Variants in IQCH observed in about 807,000 individuals in gnomAD.
IQCH encodes the protein IQ motif containing H, also known as IQ domain-containing protein H.
IQCH carries 98 observed loss-of-function variants against 117.0 expected under a neutral mutation model. The ratio of observed to expected loss-of-function variants is 0.84; its 90% confidence interval spans 0.71 to 0.99. The LOEUF (loss-of-function observed/expected upper bound fraction) is 0.99, where lower values mean the gene tolerates loss of function less well. IQCH is among the 50% of genes least tolerant of loss of function. The pLI is 0.00. For synonymous variants in IQCH, 412 were observed against 448.2 expected (o/e 0.92, Z 1.02); for missense variants, 1,102 against 1,243.8 (o/e 0.89, Z 1.72).
chr15:67,356,131 C>T lies in IQCH; in HGVS notation c.638-1214C>T, dbSNP rs1196891913. On this transcript the variant is annotated intron_variant, in intron 6 of 20. Coordinates refer to ENST00000335894, the MANE Select transcript of IQCH (RefSeq NM_001031715.3). This position sits in a 1 kb window ranked among gnomAD's most constrained non-coding sequence, Gnocchi z 5.3. ...ATCTGTGGATTCAAAGCAGGCTGAA[C>T]ACAGAATGTGGACTTACCTTCAGAA... Among the ~76,000 whole-genome samples, 1 of 152,142 alleles carries T rather than the reference C, an allele frequency of 6.6e-6. No homozygotes were observed. Among genetic ancestry groups the T allele is most frequent in the Non-Finnish European group, 1.5e-5 (1 of 68,024 alleles).
chr15:67,294,652 G>A (rs941640855), intron 4 of IQCH, among the ~76,000 whole-genome samples: 1 of 152,194 alleles, frequency 6.6e-6, no homozygotes, highest in African/African-American at 2.4e-5. Context: ...ATGGACAAAA[G>A]GCAACACCCT....
intron 3 of IQCH, among the ~76,000 whole-genome samples, chr15:67,276,568 T>G (rs1339643016): frequency 6.6e-6 from 1 of 152,234 alleles, no homozygotes; most frequent in Non-Finnish European, 1.5e-5. Context: ...TCAAAACATC[T>G]TTATTTCCTC....
intron 3 of IQCH, among the ~76,000 whole-genome samples, chr15:67,277,589 A>G (rs1367344873): frequency 7.0e-6 from 1 of 143,594 alleles, no homozygotes; most frequent in Non-Finnish European, 1.5e-5. Context: ...GCTGGAGTGC[A>G]GTGGCGCAAT....
Position 67,395,259 on chromosome 15 carries a change from C to T in IQCH, c.1633-32C>T. On this transcript the variant is annotated intron_variant, in intron 12 of 20. Coordinates refer to ENST00000335894, the MANE Select transcript of IQCH (RefSeq NM_001031715.3). The surrounding 1 kb of genome is among the most constrained non-coding windows in gnomAD (Gnocchi z 4.0). ...GTGTATGGACTAGAAAAAAGGACACCTTTTAACAAGAATAATATGATCTTC... is the reference window on the plus strand; with the variant it reads ...GTGTATGGACTAGAAAAAAGGACACTTTTTAACAAGAATAATATGATCTTC... The T allele has an allele frequency of 1.3e-6, 2 of 1,593,966 alleles. No individual in the cohort carries two copies. The highest frequency in any genetic ancestry group is 2.2e-5 in the East Asian group (1 of 44,550).
At position 67,436,343 on chromosome 15, in the gene IQCH, T is replaced by A. The variant is rs1259281071; in HGVS notation, c.2505+14766T>A. ...CTGTTTGCTGGAGAAGTTTCTCACT[T>A]TACCCGGAGCTGAGTCAATTTAGAG... On this transcript the variant is annotated intron_variant, in intron 16 of 20. Coordinates refer to ENST00000335894, the MANE Select transcript of IQCH (RefSeq NM_001031715.3). The surrounding 1 kb of genome is among the most constrained non-coding windows in gnomAD (Gnocchi z 5.1). 6.6e-6 allele frequency among the ~76,000 whole-genome samples: 1 copy of A among 152,152 alleles called. No homozygotes were observed. The highest frequency in any genetic ancestry group is 1.5e-5 in the Non-Finnish European group (1 of 68,022).
At chr15:67,398,802 A>G (rs1387342877) in intron 13 of IQCH, among the ~76,000 whole-genome samples, 2 of 152,054 alleles carry the variant, frequency 1.3e-5, no homozygotes, top group African/African-American at 2.4e-5. Context: ...ATCCTTCCGT[A>G]CAGAAAACCA....
At position 67,401,145 on chromosome 15, in the gene IQCH, C is replaced by T. The variant is rs1971643908; in HGVS notation, c.2097+840C>T. Among the ~76,000 whole-genome samples, 2 of 152,154 alleles carry T rather than the reference C, an allele frequency of 1.3e-5. No homozygotes were observed. Among genetic ancestry groups the T allele is most frequent in the African/African-American group, 2.4e-5 (1 of 41,430 alleles). ...TAGTACATTCCAGCCAGAAAATCTC[C>T]CAGCAAAAGCTGAGCTGTAGGTAAG... On this transcript the variant is annotated intron_variant, in intron 14 of 20. Transcript: ENST00000335894. This position sits in a 1 kb window ranked among gnomAD's most constrained non-coding sequence, Gnocchi z 4.7.
Position 67,296,195 on chromosome 15 carries a change from G to T in IQCH, c.387+16683G>T, listed in dbSNP as rs1024108073. On this transcript the variant is annotated intron_variant, in intron 4 of 20. Coordinates refer to ENST00000335894, the MANE Select transcript of IQCH (RefSeq NM_001031715.3). ...ATGTTTGAATGAATGAATGAATTCT[G>T]TTAAAGAAAGAGAGATAGAGGTTGG... Among the ~76,000 whole-genome samples, 3 of 152,204 alleles carry T rather than the reference G, an allele frequency of 2.0e-5. No individual in the cohort carries two copies. The East Asian group carries it at 5.8e-4, about 29-fold the overall frequency.
chr15:67,429,576 C>T (rs528682703), intron 16 of IQCH, among the ~76,000 whole-genome samples: 7 of 152,210 alleles, frequency 4.6e-5, no homozygotes, highest in South Asian at 2.1e-4. Flanking sequence ...ACATGAATAA[C>T]GATAACAAAA....
At chr15:67,402,922 C>CAAGATT (rs1243679259) in intron 14 of IQCH, among the ~76,000 whole-genome samples, 1 of 152,144 alleles carries the variant, frequency 6.6e-6, no homozygotes, top group Non-Finnish European at 1.5e-5. Flanking sequence ...TAGATGTAGA[C>CAAGATT]AAGATTCAGT....
intron 3 of IQCH, among the ~76,000 whole-genome samples, chr15:67,265,138 T>C (rs1163002979): frequency 3.3e-5 from 5 of 152,240 alleles, no homozygotes; most frequent in African/African-American, 1.2e-4. Flanking sequence ...TATCCTTTCA[T>C]CTTGACAGAG....
At chr15:67,440,852 A>G (rs750555164) in intron 16 of IQCH, among the ~76,000 whole-genome samples, 45 of 152,272 alleles carry the variant, frequency 3.0e-4, no homozygotes, top group Non-Finnish European at 5.1e-4. Context: ...ACAGTACTGG[A>G]AGTCCTAGCC....
Position 67,471,094 on chromosome 15 carries a change from A to C in IQCH, c.2677-4602A>C, listed in dbSNP as rs1016795712. Reference sequence around the variant, plus strand: ...TCATTGCATGGATGTGCCATAATTTATGTACCCTTCCCCCATCGGTAGATT... The same window carrying C: ...TCATTGCATGGATGTGCCATAATTTCTGTACCCTTCCCCCATCGGTAGATT... On this transcript the variant is annotated intron_variant, in intron 17 of 20. Transcript: ENST00000335894. Among the ~76,000 whole-genome samples, 41 of 151,946 alleles carry C rather than the reference A, an allele frequency of 2.7e-4. 1 individual carries two copies. The highest frequency in any genetic ancestry group is 9.4e-4 in the African/African-American group (39 of 41,354).
rs1405593023 is a variant in IQCH at position 67,318,396 on chromosome 15, C to G, written c.388-18579C>G. On this transcript the variant is annotated intron_variant, in intron 4 of 20. Transcript: ENST00000335894. ...CTTTAATGAACAACATCAGAGAACA[C>G]TTGAATAAATGGAAAGACATATCAT... Among the ~76,000 whole-genome samples the G allele has an allele frequency of 1.4e-4, 22 of 152,192 alleles. 1 individual carries two copies. The highest frequency in any genetic ancestry group is 1.4e-3 in the Admixed American group (22 of 15,284).
intron 4 of IQCH, among the ~76,000 whole-genome samples, chr15:67,325,299 C>T (rs1284728109): frequency 3.3e-5 from 5 of 151,580 alleles, no homozygotes; most frequent in Admixed American, 1.3e-4. Flanking sequence ...AGATTTTCCA[C>T]GTGTTCATTT....
chr15:67,391,504 T>A lies in IQCH; in HGVS notation c.1632+2498T>A, dbSNP rs1395939193. On this transcript the variant is annotated intron_variant, in intron 12 of 20. Coordinates refer to ENST00000335894, the MANE Select transcript of IQCH (RefSeq NM_001031715.3). The surrounding 1 kb of genome is among the most constrained non-coding windows in gnomAD (Gnocchi z 4.3). The stretch of plus-strand genomic sequence containing the variant: ...TTGAATTTGTAATGGTAAAATGTGC[T>A]CTTTATAAAAGTCATTATGTCTATT... Among the ~76,000 whole-genome samples the A allele has an allele frequency of 3.3e-5, 5 of 152,244 alleles. No individual in the cohort carries two copies.
Position 67,387,617 on chromosome 15 carries a change from G to A in IQCH, c.1457-1214G>A, listed in dbSNP as rs774161822. 1.6e-4 allele frequency among the ~76,000 whole-genome samples: 25 copies of A among 152,124 alleles called. No individual in the cohort carries two copies. The highest frequency in any genetic ancestry group is 2.8e-4 in the Non-Finnish European group (19 of 67,984). ...TGGGGGCAGCTGGGGAATCACTGTT[G>A]GCCAGCCTAGTCAGGGTGGGCCAGG... On this transcript the variant is annotated intron_variant, in intron 11 of 20. Coordinates refer to ENST00000335894, the MANE Select transcript of IQCH (RefSeq NM_001031715.3). This position sits in a 1 kb window ranked among gnomAD's most constrained non-coding sequence, Gnocchi z 4.8.
chr15:67,299,429 G>A (rs932877986), intron 4 of IQCH, among the ~76,000 whole-genome samples: 13 of 151,996 alleles, frequency 8.6e-5, no homozygotes, highest in Non-Finnish European at 1.8e-4. Context: ...AAAAATAAAA[G>A]TGTATAACTG....
At position 67,372,003 on chromosome 15, in the gene IQCH, C is replaced by G. The variant is rs151197300; in HGVS notation, c.754-108C>G. ...GTTAAATCAGTGCTAGGATTCATAT[C>G]TTCCCACCATTGAATGCTAAATGAT... On this transcript the variant is annotated intron_variant, in intron 8 of 20. Transcript: ENST00000335894. 330 of 961,672 alleles carry G rather than the reference C, an allele frequency of 3.4e-4. 4 individuals carry two copies. The African/African-American group carries it at 4.8e-3, about 14-fold the overall frequency. The allele number at this position is 961,672 out of a possible 1,614,324, so 59.6% of individuals were successfully genotyped here. A position where few individuals can be genotyped will look rare whatever the true frequency, so the allele number is the denominator to read the frequency against.
Sources: gnomAD v4.1 joint callset for allele counts (sites outside exome capture counted in the v4.1 genomes callset) on GRCh38, gnomAD v4.1.1 for gene constraint, Gnocchi (gnomAD v3.1) non-coding constraint, MANE v1.5 for transcripts, NCBI Gene and HGNC (gene_info 2026-07-23, HGNC 2026-07-21) for gene names.